PRDM5: variants seen among roughly 807,000 people sequenced by gnomAD.
PRDM5 encodes the protein PR/SET domain 5, also known as PR domain zinc finger protein 5.
A neutral mutation model predicts 81.2 loss-of-function variants in PRDM5; 56 were observed. The observed-to-expected ratio is 0.69, with a 90% CI of 0.56 to 0.86. PRDM5 has a LOEUF of 0.86. Among genes scored for constraint, PRDM5 ranks in the 40% least tolerant of loss-of-function variants. The pLI is 0.00. For synonymous variants in PRDM5, 267 were observed against 256.4 expected (o/e 1.04, Z -0.39); for missense variants, 697 against 770.1 (o/e 0.91, Z 1.12).
chr4:120,738,558 T>G (rs558492157), intron 14 of PRDM5, among the ~76,000 whole-genome samples: 1 of 152,346 alleles, frequency 6.6e-6, no homozygotes, highest in South Asian at 2.1e-4. Flanking sequence ...CAAATCTTTT[T>G]TAGAATACTA....
intron 5 of PRDM5, 74 bp downstream of exon 5, chr4:120,818,279 A>G: frequency 6.6e-7 from 1 of 1,519,684 alleles, no homozygotes; most frequent in African/African-American, 1.4e-5. Context: ...CACAGGTTAA[A>G]AACTATGAGT....
At chr4:120,790,677 C>A (rs534532263) in intron 10 of PRDM5, among the ~76,000 whole-genome samples, 54 of 152,088 alleles carry the variant, frequency 3.6e-4, no homozygotes, top group South Asian at 6.2e-4. Context: ...TCCTGAGTAG[C>A]AAATAGTTTT....
intron 2 of PRDM5, among the ~76,000 whole-genome samples, chr4:120,902,735 C>T (rs778470658): frequency 4.6e-5 from 7 of 152,222 alleles, no homozygotes; most frequent in Non-Finnish European, 1.0e-4. Flanking sequence ...AACACTCAGT[C>T]TATTCAGAGA....
downstream of PRDM5, among the ~76,000 whole-genome samples, chr4:120,690,241 T>A (rs1198951404): frequency 1.3e-5 from 2 of 152,188 alleles, no homozygotes; most frequent in Non-Finnish European, 2.9e-5. Flanking sequence ...TATATTGTTT[T>A]AACACTAATT....
At chr4:120,814,037 AC>A (rs1360744398) in intron 7 of PRDM5, among the ~76,000 whole-genome samples, 2 of 152,040 alleles carry the variant, frequency 1.3e-5, no homozygotes, top group Non-Finnish European at 2.9e-5. Flanking sequence ...CCTCTTTTTC[AC>A]CCTAGAAGAA....
intron 15 of PRDM5, among the ~76,000 whole-genome samples, chr4:120,700,371 G>A (rs542798597): frequency 6.6e-6 from 1 of 152,226 alleles, no homozygotes; most frequent in Admixed American, 6.5e-5. Context: ...GAAAACCTAG[G>A]AAACACCATT....
chr4:120,815,595 T>G (rs1754378836), intron 7 of PRDM5, among the ~76,000 whole-genome samples: 2 of 152,142 alleles, frequency 1.3e-5, no homozygotes, highest in South Asian at 4.1e-4. Flanking sequence ...CTCCTGAATA[T>G]AAGAATAAAC....
intron 3 of PRDM5, among the ~76,000 whole-genome samples, chr4:120,848,931 T>C (rs1257124683): frequency 6.6e-6 from 1 of 152,174 alleles, no homozygotes; most frequent in East Asian, 1.9e-4. Flanking sequence ...ATTTTTATGT[T>C]ATTATTGAAG....
chr4:120,906,568 T>C (rs1444595070), intron 2 of PRDM5, among the ~76,000 whole-genome samples: 1 of 152,214 alleles, frequency 6.6e-6, no homozygotes, highest in Admixed American at 6.5e-5. Context: ...CCTATTTTGA[T>C]ACCTTAGGTC....
chr4:120,902,164 A>G (rs1339476142), intron 2 of PRDM5, among the ~76,000 whole-genome samples: 1 of 152,248 alleles, frequency 6.6e-6, no homozygotes, highest in African/African-American at 2.4e-5. Flanking sequence ...GGAGGATTCC[A>G]GCTGCTACTG....
intron 1 of PRDM5, among the ~76,000 whole-genome samples, chr4:120,909,623 GAA>G: frequency 8.1e-6 from 1 of 123,202 alleles, no homozygotes; most frequent in African/African-American, 3.1e-5. Context: ...ATTTGGAGGG[GAA>G]AAAAAAAAGT....
chr4:120,823,376 G>A (rs531548239), intron 3 of PRDM5, among the ~76,000 whole-genome samples: 32 of 152,186 alleles, frequency 2.1e-4, no homozygotes, highest in African/African-American at 7.5e-4. Context: ...AGCATTCCAG[G>A]CTCCACAGGA....
At chr4:120,804,410 C>G (rs1455597387) in intron 8 of PRDM5, among the ~76,000 whole-genome samples, 1 of 152,228 alleles carries the variant, frequency 6.6e-6, no homozygotes, top group Non-Finnish European at 1.5e-5. Flanking sequence ...CTTCTCAGCA[C>G]CACATTGCAC....
chr4:120,876,426 G>A (rs1291372521), intron 2 of PRDM5, among the ~76,000 whole-genome samples: 1 of 151,948 alleles, frequency 6.6e-6, no homozygotes, highest in Admixed American at 6.6e-5. Flanking sequence ...CTTTTATTTT[G>A]TGTGTCAATT....
intron 10 of PRDM5, among the ~76,000 whole-genome samples, chr4:120,788,626 T>C (rs1750110105): frequency 6.6e-6 from 1 of 152,188 alleles, no homozygotes; most frequent in South Asian, 2.1e-4. Context: ...CTTTCCAAAT[T>C]TGGGACATAA....
chr4:120,866,996 G>C (rs1440619346), intron 2 of PRDM5, among the ~76,000 whole-genome samples: 1 of 152,148 alleles, frequency 6.6e-6, no homozygotes, highest in African/African-American at 2.4e-5. Context: ...CTGAGATTGA[G>C]GGGCTCACAG....
intron 1 of PRDM5, among the ~76,000 whole-genome samples, chr4:120,916,463 A>G (rs1469526533): frequency 6.6e-5 from 10 of 152,168 alleles, no homozygotes; most frequent in Non-Finnish European, 7.3e-5. Flanking sequence ...TACATAACAA[A>G]GACAATTTGT....
At chr4:120,712,765 T>C (rs1258736446) in intron 14 of PRDM5, among the ~76,000 whole-genome samples, 9 of 152,242 alleles carry the variant, frequency 5.9e-5, no homozygotes, top group Non-Finnish European at 1.2e-4. Context: ...TTCATTTTTG[T>C]GAACATATGT....
chr4:120,752,772 C>G (rs530659968), intron 14 of PRDM5, among the ~76,000 whole-genome samples: 9 of 152,120 alleles, frequency 5.9e-5, no homozygotes, highest in African/African-American at 9.7e-5. Flanking sequence ...TTGTTTGTGC[C>G]TCAGTTTCTT....
Sources: allele counts gnomAD v4.1 joint callset (sites outside exome capture counted in the v4.1 genomes callset), GRCh38; gene constraint gnomAD v4.1.1; transcripts MANE v1.5; gene names NCBI Gene and HGNC (gene_info 2026-07-23, HGNC 2026-07-21).